The following MEIS2 variants were observed in gnomAD, a reference collection of about 807,000 sequenced individuals.
MEIS2 encodes the protein homeobox protein Meis2.
In MEIS2, 9 loss-of-function variants were observed where a neutral mutation model predicts 58.6. The ratio of observed to expected loss-of-function variants is 0.15; its 90% confidence interval spans 0.09 to 0.27. MEIS2 has a LOEUF of 0.27. Ranked by LOEUF, MEIS2 falls within the 10% of genes least tolerant of loss-of-function variation. The pLI is 1.00. For synonymous variants in MEIS2, 221 were observed against 228.4 expected (o/e 0.97, Z 0.29); for missense variants, 427 against 635.0 (o/e 0.67, Z 3.52).
intron 7 of MEIS2, among the ~76,000 whole-genome samples, chr15:37,049,025 G>C (rs2062797340): frequency 6.6e-6 from 1 of 152,162 alleles, no homozygotes; most frequent in Non-Finnish European, 1.5e-5. Context: ...TAAATTGCTA[G>C]CACTTTAAAA....
intron 7 of MEIS2, among the ~76,000 whole-genome samples, chr15:37,056,849 C>T (rs1888495849): frequency 6.6e-6 from 1 of 152,210 alleles, no homozygotes; most frequent in African/African-American, 2.4e-5. Flanking sequence ...GAACCGCTCC[C>T]GCGGCAGCTT....
At chr15:37,049,468 GT>G (rs965280324) in intron 7 of MEIS2, among the ~76,000 whole-genome samples, 2 of 147,522 alleles carry the variant, frequency 1.4e-5, no homozygotes, top group East Asian at 2.0e-4. Flanking sequence ...TTGTGGTTTT[GT>G]TTTTTTTGTT....
At chr15:37,035,026 G>A (rs993487882) in intron 8 of MEIS2, among the ~76,000 whole-genome samples, 14 of 152,232 alleles carry the variant, frequency 9.2e-5, no homozygotes, top group African/African-American at 2.2e-4. Flanking sequence ...GAAAACACAC[G>A]TAGCTGTTTG....
chr15:37,082,767 A>G (rs1260714008), intron 7 of MEIS2, among the ~76,000 whole-genome samples: 5 of 152,166 alleles, frequency 3.3e-5, no homozygotes, highest in Non-Finnish European at 7.3e-5. Context: ...AGACTCTTCT[A>G]GAACCTCAGA....
chr15:36,919,533 C>T (rs554607803), intron 9 of MEIS2, among the ~76,000 whole-genome samples: 7 of 150,142 alleles, frequency 4.7e-5, no homozygotes, highest in South Asian at 4.2e-4. Flanking sequence ...GTCGAGATTG[C>T]GCCACTGCAC....
At chr15:37,012,304 C>G (rs1411253822) in intron 8 of MEIS2, among the ~76,000 whole-genome samples, 1 of 152,200 alleles carries the variant, frequency 6.6e-6, no homozygotes, top group African/African-American at 2.4e-5. Flanking sequence ...TAAAACATCT[C>G]CTTGTTCCTC....
rs534655709 is a variant in MEIS2, at chr15:36,912,642, C to T, written c.978-15956G>A. Among the ~76,000 whole-genome samples the T allele has an allele frequency of 2.0e-5, 3 of 152,204 alleles. No homozygotes were observed. In the South Asian group the frequency reaches 6.2e-4, roughly 32 times the overall value. ...TCCTGGAAAAGTCTCAGGGGCCTTG[C>T]AATGAGGCGACATCAAAGCATTTGG... On this transcript the variant is annotated intron_variant, in intron 9 of 11. Coordinates refer to ENST00000561208, the MANE Select transcript of MEIS2 (RefSeq NM_170675.5).
At chr15:37,037,965 T>C (rs553041431) in intron 7 of MEIS2, among the ~76,000 whole-genome samples, 14 of 152,264 alleles carry the variant, frequency 9.2e-5, no homozygotes, top group African/African-American at 3.4e-4. Context: ...CACTGGGGCT[T>C]TATAGATGGC....
At chr15:36,898,553 A>AT (rs1162262485) in intron 9 of MEIS2, 1 of 151,070 alleles carries the variant, frequency 6.6e-6, no homozygotes, top group East Asian at 2.0e-4. Flanking sequence ...ACGAATTGCT[A>AT]TTTTTTTCCC....
chr15:36,921,942 G>C (rs2057528060), intron 9 of MEIS2, among the ~76,000 whole-genome samples: 1 of 152,182 alleles, frequency 6.6e-6, no homozygotes, highest in Non-Finnish European at 1.5e-5. Flanking sequence ...ACCCTCCAAG[G>C]TCAGACATGA....
At chr15:37,022,650 T>C (rs943671322) in intron 8 of MEIS2, among the ~76,000 whole-genome samples, 1 of 152,032 alleles carries the variant, frequency 6.6e-6, no homozygotes, top group Admixed American at 6.6e-5. Flanking sequence ...TTGTTTTTTC[T>C]TTTTTTTGAG....
At chr15:37,039,869 CT>C (rs1326961810) in intron 7 of MEIS2, among the ~76,000 whole-genome samples, 5 of 152,120 alleles carry the variant, frequency 3.3e-5, no homozygotes, top group African/African-American at 1.2e-4. Context: ...GAATTTTCCT[CT>C]CCCAAACACA....
At chr15:37,057,276 C>A (rs1374605675) in intron 7 of MEIS2, among the ~76,000 whole-genome samples, 1 of 152,228 alleles carries the variant, frequency 6.6e-6, no homozygotes, top group African/African-American at 2.4e-5. Flanking sequence ...TCCTTAGTTG[C>A]TCGGGAGAGT....
In MEIS2 at chr15:36,892,177, T is replaced by A. The variant is rs758819750; in HGVS notation, c.1430A>T (p.Gln477Leu). The A allele has an allele frequency of 1.9e-6, 3 of 1,614,206 alleles. No individual in the cohort carries two copies. Among genetic ancestry groups the A allele is most frequent in the Non-Finnish European group, 2.5e-6 (3 of 1,180,012 alleles). ...VGGQVMDIHAQ is the reference protein window; with the variant it reads ...VGGQVMDIHAL ...TTTCCCTTGAGTTCCCTTATACTAT[T>A]GGGCATGAATGTCCATAACCTGTCC... Residue 477 changes from glutamine to leucine, a missense_variant, in exon 12 of 12, where the codon CAA becomes CTA. Transcript: ENST00000561208.
chr15:37,079,505 CT>C (rs1266954028), intron 7 of MEIS2, among the ~76,000 whole-genome samples: 2 of 150,700 alleles, frequency 1.3e-5, no homozygotes, highest in Admixed American at 6.7e-5. Context: ...TTGAAGCCCC[CT>C]CCTCCTCTTT....
At chr15:37,083,149 G>T (rs1037763333) in intron 7 of MEIS2, among the ~76,000 whole-genome samples, 2 of 152,058 alleles carry the variant, frequency 1.3e-5, no homozygotes, top group African/African-American at 4.8e-5. Flanking sequence ...AATTGCACTA[G>T]GCTTCCTCAA....
At chr15:36,957,282 C>T (rs2141415906) in intron 8 of MEIS2, among the ~76,000 whole-genome samples, 1 of 152,160 alleles carries the variant, frequency 6.6e-6, no homozygotes, top group Middle Eastern at 3.4e-3. Flanking sequence ...ATTTGATAAT[C>T]AAAATACCTG....
At chr15:37,057,905 G>C (rs1888655025) in intron 7 of MEIS2, among the ~76,000 whole-genome samples, 1 of 152,152 alleles carries the variant, frequency 6.6e-6, no homozygotes, top group Non-Finnish European at 1.5e-5. Context: ...CACGGGCGTG[G>C]AGTGTAACCA....
chr15:36,965,550 AAGCCAATAACTGT>A (rs1214382171), intron 8 of MEIS2, among the ~76,000 whole-genome samples: 1 of 152,248 alleles, frequency 6.6e-6, no homozygotes, highest in Non-Finnish European at 1.5e-5. Flanking sequence ...AAGAAATTAA[AAGCCAATAACTGT>A]AGGATGAATA....
Sources: gnomAD v4.1 joint callset for allele counts (sites outside exome capture counted in the v4.1 genomes callset) on GRCh38, gnomAD v4.1.1 for gene constraint, MANE v1.5 for transcripts, NCBI Gene and HGNC (gene_info 2026-07-23, HGNC 2026-07-21) for gene names.